CARD9: variants seen among roughly 807,000 people sequenced by gnomAD.
The protein encoded by CARD9 is caspase recruitment domain-containing protein 9.
CARD9 carries 53 observed loss-of-function variants against 66.0 expected under a neutral mutation model. The ratio of observed to expected loss-of-function variants is 0.80; its 90% CI spans 0.64 to 1.01. The LOEUF is 1.01. CARD9 is among the 50% of genes least tolerant of loss of function. The pLI is 0.00. For missense variants in CARD9, 769 were observed against 743.2 expected (o/e 1.03, Z -0.40); for synonymous variants, 387 against 313.8 (o/e 1.23, Z -2.47).
intron 11 of CARD9, 59 bp from the exon 12 acceptor site, chr9:136,364,618 C>T (rs1833072455): frequency 2.7e-6 from 4 of 1,490,432 alleles, no homozygotes; most frequent in East Asian, 2.5e-5. Flanking sequence ...CCGTCCTTCT[C>T]ACCCGCCCCC....
intron 2 of CARD9, 24 bp downstream of exon 2, chr9:136,371,871 T>C (rs1171786215): frequency 1.3e-6 from 2 of 1,575,948 alleles, no homozygotes; most frequent in South Asian, 1.2e-5. Context: ...GTTTGGGGCC[T>C]GGGGCCCGCG....
In CARD9 at chr9:136,369,880, A is replaced by AG; in HGVS notation, c.952-6dup. The AG allele has an allele frequency of 6.2e-7, 1 of 1,611,448 alleles. No homozygotes were observed. Among genetic ancestry groups the AG allele is most frequent in the Non-Finnish European group, 8.5e-7 (1 of 1,179,978 alleles). On this transcript the variant is annotated splice_polypyrimidine_tract_variant and splice_region_variant and intron_variant, in intron 6 of 12. Transcript: ENST00000371732. ...CATCTCCTTCTCCTCCATGCACTGC[A>AG]GGGGGCGGCAGCTCAGCCCCCACAG...
Position 136,364,384 on chromosome 9 carries a change from T to C in CARD9, c.1529A>G (p.Lys510Arg). Residue 510 changes from lysine (K) to arginine (R), a missense_variant, in exon 13 of 13, where the codon AAG becomes AGG. Lys to Arg is a conservative substitution (Grantham distance 26, BLOSUM62 2). Transcript: ENST00000371732. ...CCCCTGCCGCCATCCTTTCTGCATC[T>C]TCCTGAGGGCGCGCTTCCTGTGAAG... is the stretch of plus-strand genomic sequence containing the variant. ...ENYRRKRALRKMQKGWRQGEE... is the reference protein window; with the variant it reads ...ENYRRKRALRRMQKGWRQGEE... 1 of 1,561,428 alleles carries C rather than the reference T, an allele frequency of 6.4e-7. No homozygotes were observed. The highest frequency in any genetic ancestry group is 1.9e-5 in the Admixed American group (1 of 53,168).
At chr9:136,369,369 A>G (rs958943724) in intron 7 of CARD9, among the ~76,000 whole-genome samples, 2 of 152,252 alleles carry the variant, frequency 1.3e-5, no homozygotes, top group Non-Finnish European at 2.9e-5. Flanking sequence ...TGATAGACAG[A>G]TGGATACATG....
In CARD9 at chr9:136,370,711, G is replaced by C. The variant is rs770028236; in HGVS notation, c.628-10C>G. ...GCTTGAGCTGGTCAATCTGCAGAAG[G>C]TCCAGTGAGCCTGGCTGTCCCCTCC... On this transcript the variant is annotated splice_polypyrimidine_tract_variant and intron_variant, in intron 4 of 12. Coordinates refer to ENST00000371732, the MANE Select transcript of CARD9 (RefSeq NM_052813.5). 15 of 1,612,566 alleles carry C rather than the reference G, an allele frequency of 9.3e-6. No individual in the cohort carries two copies. Among genetic ancestry groups the C allele is most frequent in the East Asian group, 4.5e-5 (2 of 44,870 alleles).
chr9:136,364,198 T>C lies in CARD9; in HGVS notation c.*104A>G. On this transcript the variant is annotated 3_prime_UTR_variant, in exon 13 of 13. Transcript: ENST00000371732. ...ACCAGATTCCTCGTTCCAGGCCAAG[T>C]CAGCGACGGCTCGGGGAAGTCTGCG... The C allele has an allele frequency of 6.4e-7, 1 of 1,550,478 alleles. No individual in the cohort carries two copies. The highest frequency in any genetic ancestry group is 8.7e-7 in the Non-Finnish European group (1 of 1,146,784).
rs1833048484 is a variant in CARD9 at position 136,364,023 on chromosome 9, T to A, written c.*279A>T. On this transcript the variant is annotated 3_prime_UTR_variant, in exon 13 of 13. Coordinates refer to ENST00000371732, the MANE Select transcript of CARD9 (RefSeq NM_052813.5). ...AACACTAATACAATGCATGCATGTA[T>A]TGTGTGTTACATGGTGAAACAGAAC... 1 of 1,398,134 alleles carries A rather than the reference T, an allele frequency of 7.2e-7. No homozygotes were observed. Among genetic ancestry groups the A allele is most frequent in the Non-Finnish European group, 9.9e-7 (1 of 1,007,950 alleles). 86.6% of individuals were successfully genotyped at this position (1,398,134 alleles called of 1,614,324 possible).
At chr9:136,372,890 C>T (rs530791066) in intron 1 of CARD9, among the ~76,000 whole-genome samples, 9 of 152,218 alleles carry the variant, frequency 5.9e-5, no homozygotes, top group Non-Finnish European at 1.2e-4. Context: ...GTTGAGGTGC[C>T]GGGCACCAGT....
rs370710250 is a variant in CARD9 at position 136,365,135 on chromosome 9, C to A, written c.1434+6G>T. 2 of 1,611,992 alleles carry A rather than the reference C, an allele frequency of 1.2e-6. No homozygotes were observed. Among genetic ancestry groups the A allele is most frequent in the South Asian group, 1.1e-5 (1 of 91,078 alleles). The stretch of plus-strand genomic sequence containing the variant: ...CTGGGAGGACCCCACCCCGGGGAAG[C>A]CTTACATGGGGGTTCCGCAAAACCT... On this transcript the variant is annotated splice_donor_region_variant and intron_variant, in intron 11 of 12. Transcript: ENST00000371732.
In CARD9 at chr9:136,370,956, C is replaced by T. The variant is rs759954061; in HGVS notation, c.512G>A (p.Gly171Asp). The T allele has an allele frequency of 6.2e-7, 1 of 1,610,936 alleles. No individual in the cohort carries two copies. The highest frequency in any genetic ancestry group is 1.7e-5 in the Admixed American group (1 of 59,796). ...VQRLKEECEA[G>D]SRELKRCKEE... ...CTTGCAGCGCTTGAGCTCGCGGCTG[C>T]CGGCCTCGCACTCCTCCTTGAGCCT... The change falls in exon 4 of 13, where the codon GGC becomes GAC. Residue 171 changes from glycine to aspartate, a missense_variant. Physicochemically the swap from Gly to Asp is moderately conservative, Grantham distance 94. Coordinates refer to ENST00000371732, the MANE Select transcript of CARD9 (RefSeq NM_052813.5).
At position 136,367,793 on chromosome 9, in the gene CARD9, G is replaced by A. The variant is rs376357452; in HGVS notation, c.1113C>T (p.His371=). The change falls in exon 8 of 13, where the codon CAC becomes CAT. Residue 371 remains histidine, a synonymous_variant. Coordinates refer to ENST00000371732, the MANE Select transcript of CARD9 (RefSeq NM_052813.5). The part of the protein sequence containing the change: ...IATREELHAQ[H]ARGLQEKDAL... ...CGTCCTTCTCCTGCAGGCCCCGGGC[G>A]TGCTGTGCGTGCAGCTCCTCCCGCG... 35 of 1,602,786 alleles carry A rather than the reference G, an allele frequency of 2.2e-5. No homozygotes were observed. Among genetic ancestry groups the A allele is most frequent in the African/African-American group, 2.1e-4 (16 of 75,036 alleles).
intron 10 of CARD9, 143 bp downstream of exon 10, chr9:136,366,657 A>G: frequency 1.1e-6 from 1 of 893,648 alleles, no homozygotes; most frequent in South Asian, 1.4e-5. Flanking sequence ...CATTTTACTT[A>G]TCCCCAGCCC....
At position 136,367,607 on chromosome 9, in the gene CARD9, T is replaced by C. The variant is rs781001992; in HGVS notation, c.1269+30A>G. On this transcript the variant is annotated intron_variant, in intron 8 of 12. Coordinates refer to ENST00000371732, the MANE Select transcript of CARD9 (RefSeq NM_052813.5). ...CTGGCCCTGCATCCCACGCGCCGGC[T>C]CCCCTCCCTGCCGCAGGCCCCAGGC... 16 of 1,546,174 alleles carry C rather than the reference T, an allele frequency of 1.0e-5. No individual in the cohort carries two copies. In the East Asian group the frequency reaches 1.9e-4, roughly 18 times the overall value.
chr9:136,367,482 G>T (rs965714063), intron 8 of CARD9, 155 bp downstream of exon 8: 3 of 1,012,090 alleles, frequency 3.0e-6, no homozygotes, highest in Admixed American at 4.6e-5. Context: ...TGAACTGCTC[G>T]TGTGCCCTCA....
chr9:136,364,326 G>A lies in CARD9; in HGVS notation c.1587C>T (p.Asp529=), dbSNP rs1248143389. 9 of 1,564,086 alleles carry A rather than the reference G, an allele frequency of 5.8e-6. No individual in the cohort carries two copies. The highest frequency in any genetic ancestry group is 6.9e-6 in the Non-Finnish European group (8 of 1,155,190). ...GCTAGGAGCCCTCAGTGTCGGTGTT[G>A]TCGCTGCCCGTGGTGTTCTCCCGGT... The part of the protein sequence containing the change: ...EEDRENTTGS[D]NTDTEGS The change falls in exon 13 of 13, where the codon GAC becomes GAT. Residue 529 remains aspartate (D), a synonymous_variant. Transcript: ENST00000371732.
intron 9 of CARD9, 99 bp from the exon 10 acceptor site, chr9:136,366,944 C>T (rs1441876566): frequency 4.4e-6 from 6 of 1,369,486 alleles, no homozygotes; most frequent in Non-Finnish European, 6.2e-6. Flanking sequence ...CTGGGTGCAG[C>T]CATTGCCGTC....
chr9:136,371,183 C>T (rs1564369821), intron 3 of CARD9, 38 bp from the exon 4 acceptor site: 1 of 1,607,774 alleles, frequency 6.2e-7, no homozygotes, highest in African/African-American at 1.3e-5. Flanking sequence ...GCCGTGTTCC[C>T]CGGTGGCCCA....
rs775012731 is a variant in CARD9 at position 136,370,512 on chromosome 9, A to G, written c.807+10T>C. ...TGCCTGGGCTGCACCTGCCCTGCCT[A>G]CGGCCCCACCTGGACGGAGGCCTCC... On this transcript the variant is annotated intron_variant, in intron 5 of 12. Coordinates refer to ENST00000371732, the MANE Select transcript of CARD9 (RefSeq NM_052813.5). 2.5e-6 allele frequency: 4 copies of G among 1,600,512 alleles called. No individual in the cohort carries two copies. The highest frequency in any genetic ancestry group is 1.3e-5 in the African/African-American group (1 of 74,636).
At chr9:136,367,317 G>T in intron 8 of CARD9, 60 bp from the exon 9 acceptor site, 1 of 1,572,406 alleles carries the variant, frequency 6.4e-7, no homozygotes, top group African/African-American at 1.3e-5. Context: ...CCAGGCACAG[G>T]GTGGGCAGGG....
Sources: allele counts gnomAD v4.1 joint callset (sites outside exome capture counted in the v4.1 genomes callset), GRCh38; gene constraint gnomAD v4.1.1; transcripts MANE v1.5; gene names NCBI Gene and HGNC (gene_info 2026-07-23, HGNC 2026-07-21).